The following DHRS12 variants were observed in gnomAD, a reference collection of about 807,000 sequenced individuals.
DHRS12 encodes the protein dehydrogenase/reductase SDR family member 12.
A neutral mutation model predicts 32.1 loss-of-function variants in DHRS12; 29 were observed. The observed-to-expected ratio is 0.90, with a 90% CI of 0.67 to 1.23. The LOEUF (loss-of-function observed/expected upper bound fraction) is 1.23, where lower values mean the gene tolerates loss of function less well. Among genes scored for constraint, DHRS12 ranks in the 50% most tolerant of loss-of-function variants. The pLI is 0.00. For synonymous variants in DHRS12, 150 were observed against 135.9 expected (o/e 1.10, Z -0.72); for missense variants, 330 against 337.2 (o/e 0.98, Z 0.17).
At chr13:51,791,957 T>C (rs1386482846) in intron 2 of DHRS12, among the ~76,000 whole-genome samples, 1 of 152,268 alleles carries the variant, frequency 6.6e-6, no homozygotes, top group African/African-American at 2.4e-5. Flanking sequence ...GATATTCCAA[T>C]GTGTGTAGGT....
chr13:51,773,145 A>T, intron 6 of DHRS12: 1 of 883,762 alleles, frequency 1.1e-6, no homozygotes, highest in Non-Finnish European at 1.4e-6. Context: ...AGCATCCTTC[A>T]TCTGAAATGC....
chr13:51,755,524 G>A, the DHRS12 span: 1 of 1,521,130 alleles, frequency 6.6e-7, no homozygotes, highest in East Asian at 2.3e-5. Context: ...TGTGATCTTA[G>A]AAGAAATAAC....
intron 2 of DHRS12, chr13:51,797,956 G>A (rs1261794517): frequency 6.6e-7 from 1 of 1,506,156 alleles, no homozygotes; most frequent in Non-Finnish European, 8.9e-7. Context: ...GAGAGCTACA[G>A]AAACCAGCTC....
At chr13:51,755,834 G>A in the DHRS12 span, among the ~76,000 whole-genome samples, 1 of 152,076 alleles carries the variant, frequency 6.6e-6, no homozygotes, top group Admixed American at 6.5e-5. Flanking sequence ...TAGTTATTTA[G>A]ATCTACTTAT....
rs1286321519 is a variant in DHRS12 at position 51,768,020 on chromosome 13, G to C, written c.*167C>G. On this transcript the variant is annotated 3_prime_UTR_variant, in exon 9 of 9. Coordinates refer to ENST00000444610, the MANE Select transcript of DHRS12 (RefSeq NM_001377533.1). ...CAAGGTGAGCCTGATCACAGCCTCG[G>C]TAGTATTTATTTTGAAATAAAAGTT... is the stretch of plus-strand genomic sequence containing the variant. 16 of 1,427,688 alleles carry C rather than the reference G, an allele frequency of 1.1e-5. No individual in the cohort carries two copies. The highest frequency in any genetic ancestry group is 1.5e-5 in the Non-Finnish European group (16 of 1,095,362). 88.4% of individuals were successfully genotyped at this position (1,427,688 alleles called of 1,614,324 possible).
intron 6 of DHRS12, chr13:51,772,946 A>T: frequency 3.0e-6 from 3 of 985,498 alleles, no homozygotes; most frequent in Non-Finnish European, 3.6e-6. Flanking sequence ...AGGTGCAGAG[A>T]GTCTCAGACA....
intron 2 of DHRS12, among the ~76,000 whole-genome samples, chr13:51,794,230 GAACAA>G (rs1002194824): frequency 3.9e-5 from 6 of 152,300 alleles, no homozygotes; most frequent in Middle Eastern, 3.4e-3. Flanking sequence ...TACTGAAATT[GAACAA>G]AACAAAACTC....
At chr13:51,776,179 TGTACTCTACA>T (rs1237211638) in intron 5 of DHRS12, 6 of 133,452 alleles carry the variant, frequency 4.5e-5, no homozygotes, top group African/African-American at 1.2e-4. Flanking sequence ...TTCTCCTACA[TGTACTCTACA>T]GTATTCTCCT....
Position 51,771,356 on chromosome 13 carries a change from C to T in DHRS12, c.559+465G>A, listed in dbSNP as rs760938494. 1.9e-6 allele frequency: 3 copies of T among 1,612,580 alleles called. No homozygotes were observed. In the South Asian group the frequency reaches 3.3e-5, roughly 18 times the overall value. On this transcript the variant is annotated intron_variant, in intron 7 of 8. Coordinates refer to ENST00000444610, the MANE Select transcript of DHRS12 (RefSeq NM_001377533.1). Reference sequence around the variant, plus strand: ...AATTCTGCTCCCCTCCACCGCTGCTCCAACACGCTTCCAGATCATTCGAGC... The same window carrying T: ...AATTCTGCTCCCCTCCACCGCTGCTTCAACACGCTTCCAGATCATTCGAGC...
chr13:51,792,592 G>A (rs745444739), intron 2 of DHRS12, among the ~76,000 whole-genome samples: 1 of 152,102 alleles, frequency 6.6e-6, no homozygotes. Flanking sequence ...GAGAGACGGT[G>A]TTTCATCATG....
chr13:51,797,915 G>A, intron 2 of DHRS12: 2 of 1,535,760 alleles, frequency 1.3e-6, no homozygotes, highest in Non-Finnish European at 1.7e-6. Context: ...CCACCTGGTG[G>A]AATTCAATGA....
chr13:51,802,624 C>T (rs1447304759), intron 1 of DHRS12, among the ~76,000 whole-genome samples: 1 of 152,250 alleles, frequency 6.6e-6, no homozygotes, highest in African/African-American at 2.4e-5. Flanking sequence ...GTGATTAGAT[C>T]CTCCTGCCTT....
chr13:51,763,363 T>TC (rs1440391975), downstream of DHRS12: 1 of 152,130 alleles, frequency 6.6e-6, no homozygotes, highest in African/African-American at 2.4e-5. Context: ...TCCTATACAT[T>TC]CCCCTCAGAC....
chr13:51,782,657 G>A lies in DHRS12; in HGVS notation c.302-5536C>T, dbSNP rs1469304475. Among the ~76,000 whole-genome samples the A allele has an allele frequency of 6.6e-6, 1 of 152,172 alleles. No homozygotes were observed. Among genetic ancestry groups the A allele is most frequent in the Non-Finnish European group, 1.5e-5 (1 of 68,032 alleles). On this transcript the variant is annotated intron_variant, in intron 4 of 8. Coordinates refer to ENST00000444610, the MANE Select transcript of DHRS12 (RefSeq NM_001377533.1). The surrounding 1 kb of genome is among the most constrained non-coding windows in gnomAD (Gnocchi z 4.2). ...CAGGCTTTTCTCCAGGGCCTAGCCA[G>A]GTGACTGATGTCACCCCCTGCTGTC...
chr13:51,768,195 ATGTC>A lies in DHRS12; in HGVS notation c.795_798del (p.Gln265HisfsTer29), dbSNP rs1323742923. ...ACTGTGTCTGGGTTGGCCTATTTAA[ATGTC>A]TGAGCCAGCTGTTCCAGGATTTCAA... On this transcript the variant is annotated frameshift_variant, in exon 9 of 9. Transcript: ENST00000444610. LOFTEE classifies it high-confidence loss of function. 9 of 1,535,946 alleles carry A rather than the reference ATGTC, an allele frequency of 5.9e-6. No homozygotes were observed. The highest frequency in any genetic ancestry group is 2.0e-5 in the Admixed American group (1 of 50,980).
downstream of DHRS12, chr13:51,766,476 G>GTAAT (rs1953754186): frequency 6.6e-6 from 1 of 152,198 alleles, no homozygotes; most frequent in Non-Finnish European, 1.5e-5. Context: ...GGCTGAGAAT[G>GTAAT]TAATAAGCCT....
intron 2 of DHRS12, among the ~76,000 whole-genome samples, chr13:51,794,947 C>A (rs1465571795): frequency 1.3e-5 from 2 of 152,148 alleles, no homozygotes; most frequent in Non-Finnish European, 2.9e-5. Flanking sequence ...GTCCAGTGGA[C>A]TGGTGAGCCA....
rs530166184 is a variant in DHRS12, at chr13:51,781,951, CTG to C, written c.302-4832_302-4831del. 4.0e-3 allele frequency among the ~76,000 whole-genome samples: 606 copies of C among 152,268 alleles called. 5 individuals are homozygous for C. Among genetic ancestry groups the C allele is most frequent in the African/African-American group, 0.014 (585 of 41,548 alleles). Reference sequence around the variant, plus strand: ...ATATTACTCCACTACATCACAGTGACTGCAGTGGCTTGGGCAGAGTGGTCGCA... The same window carrying C: ...ATATTACTCCACTACATCACAGTGACCAGTGGCTTGGGCAGAGTGGTCGCA... On this transcript the variant is annotated intron_variant, in intron 4 of 8. Coordinates refer to ENST00000444610, the MANE Select transcript of DHRS12 (RefSeq NM_001377533.1).
chr13:51,789,040 C>T (rs1287024974), intron 4 of DHRS12, among the ~76,000 whole-genome samples: 1 of 152,156 alleles, frequency 6.6e-6, no homozygotes, highest in Non-Finnish European at 1.5e-5. Context: ...TTGCACTGAG[C>T]CATGCCCTTC....
Sources: allele counts gnomAD v4.1 joint callset (sites outside exome capture counted in the v4.1 genomes callset), GRCh38; gene constraint gnomAD v4.1.1; non-coding constraint Gnocchi (gnomAD v3.1); transcripts MANE v1.5; gene names NCBI Gene and HGNC (gene_info 2026-07-23, HGNC 2026-07-21).